HUS1B: variants seen among roughly 807,000 people sequenced by gnomAD.
The protein encoded by HUS1B is checkpoint protein HUS1B.
For missense variants in HUS1B, 475 were observed against 390.4 expected (o/e 1.22, Z -1.83); for synonymous variants, 207 against 176.2 (o/e 1.17, Z -1.38).
Position 656,743 on chromosome 6 carries a change from T to G in HUS1B, c.202A>C (p.Met68Leu). The change falls in exon 1 of 1, where the codon ATG (methionine) becomes CTG (leucine). Residue 68 changes from methionine (M) to leucine (L), a missense_variant. Met to Leu is a conservative substitution (Grantham distance 15, BLOSUM62 2). Transcript: ENST00000380907. ...VRQGAFQQFR[M>L]EGVSEDLDEI... is the part of the protein sequence containing the mutation. ...TCGAGATCTTCCGAGACACCTTCCA[T>G]GCGAAACTGCTGGAAGGCCCCCTGC... The G allele has an allele frequency of 6.3e-7, 1 of 1,589,766 alleles. No homozygotes were observed. The highest frequency in any genetic ancestry group is 1.1e-5 in the South Asian group (1 of 88,656).
In HUS1B at chr6:656,279, G is replaced by A; in HGVS notation, c.666C>T (p.Asp222=). 6.2e-7 allele frequency: 1 copy of A among 1,614,184 alleles called. No individual in the cohort carries two copies. The highest frequency in any genetic ancestry group is 1.3e-5 in the African/African-American group (1 of 75,046). ...CCCGCACTTGCACCATGCTCTCCAG[G>A]TCTCTGTTTTCAGGCACACCCACAG... ...QSAVGVPENR[D]LESMVQVRVD... is the part of the protein sequence containing the mutation. The change falls in exon 1 of 1, where the codon GAC becomes GAT. Residue 222 remains aspartate (D), a synonymous_variant. Transcript: ENST00000380907.
Position 656,167 on chromosome 6 carries a change from G to A in HUS1B, c.778C>T (p.Leu260Phe). ...ALCNIWDNTL[L>F]QLVLVQEDVS... ...TCTTCTTGAACCAAAACAAGCTGAA[G>A]AAGAGTATTGTCCCAAATATTGCAC... Residue 260 changes from leucine to phenylalanine, a missense_variant, in exon 1 of 1, where the codon CTT becomes TTT. Coordinates refer to ENST00000380907, the MANE Select transcript of HUS1B (RefSeq NM_148959.4). 3 of 1,614,150 alleles carry A rather than the reference G, an allele frequency of 1.9e-6. No homozygotes were observed. The highest frequency in any genetic ancestry group is 2.5e-6 in the Non-Finnish European group (3 of 1,180,006).
chr6:656,658 C>G lies in HUS1B; in HGVS notation c.287G>C (p.Gly96Ala), dbSNP rs759519295. 3 of 1,607,238 alleles carry G rather than the reference C, an allele frequency of 1.9e-6. No individual in the cohort carries two copies. Among genetic ancestry groups the G allele is most frequent in the Non-Finnish European group, 2.5e-6 (3 of 1,177,104 alleles). ...CAGCTGCAGCTTCAGGGAGGACGCG[C>G]CCGCTGCGCTTCTCGCCGCCCGGGA... is the stretch of plus-strand genomic sequence containing the variant. ...HLSRAARSAAGASSLKLQLTH... is the reference protein window; with the variant it reads ...HLSRAARSAAAASSLKLQLTH... Residue 96 changes from glycine (G) to alanine (A), a missense_variant, in exon 1 of 1, where the codon GGC (glycine) becomes GCC (alanine). By Grantham distance (60) the Gly-to-Ala change is moderately conservative. Transcript: ENST00000380907.
In HUS1B at chr6:656,639, C is replaced by T. The variant is rs780737081; in HGVS notation, c.306G>A (p.Leu102=). 15 of 1,606,694 alleles carry T rather than the reference C, an allele frequency of 9.3e-6. No homozygotes were observed. Among genetic ancestry groups the T allele is most frequent in the African/African-American group, 1.3e-5 (1 of 74,764 alleles). ...RSAAGASSLK[L]QLTHKRRPSL... ...AGGGGCGGCGCTTGTGGGTCAGCTG[C>T]AGCTTCAGGGAGGACGCGCCCGCTG... Residue 102 remains leucine (L), a synonymous_variant, in exon 1 of 1, where the codon CTG becomes CTA. Coordinates refer to ENST00000380907, the MANE Select transcript of HUS1B (RefSeq NM_148959.4).
chr6:656,979 G>A lies in HUS1B; in HGVS notation c.-35C>T, dbSNP rs777558976. 5 of 1,482,084 alleles carry A rather than the reference G, an allele frequency of 3.4e-6. No individual in the cohort carries two copies. Among genetic ancestry groups the A allele is most frequent in the South Asian group, 1.4e-5 (1 of 73,346 alleles). The allele number at this position is 1,482,084 out of a possible 1,614,324, so 91.8% of individuals were successfully genotyped here. On this transcript the variant is annotated 5_prime_UTR_variant, in exon 1 of 1. Transcript: ENST00000380907. The stretch of plus-strand genomic sequence containing the variant: ...GGGAAGGCAGCTGGGGGCCTCTGAG[G>A]GGGATTCCGCGTGCCACAAGCCCTT...
Position 656,470 on chromosome 6 carries a change from GGCGGAT to G in HUS1B, c.469_474del (p.Ile157_Arg158del). 1 of 1,612,018 alleles carries G rather than the reference GGCGGAT, an allele frequency of 6.2e-7. No homozygotes were observed. Among genetic ancestry groups the G allele is most frequent in the South Asian group, 1.1e-5 (1 of 91,044 alleles). On this transcript the variant is annotated inframe_deletion, in exon 1 of 1. Coordinates refer to ENST00000380907, the MANE Select transcript of HUS1B (RefSeq NM_148959.4). Reference sequence around the variant, plus strand: ...CTCCTCAGCGTCCTCCAGCGCGGCAGGCGGATGCTCGCGTCGGAGGCGCGCAGGCTG... The same window carrying G: ...CTCCTCAGCGTCCTCCAGCGCGGCAGGCTCGCGTCGGAGGCGCGCAGGCTG...
In HUS1B at chr6:656,954, G is replaced by A; in HGVS notation, c.-10C>T. On this transcript the variant is annotated 5_prime_UTR_variant, in exon 1 of 1. Coordinates refer to ENST00000380907, the MANE Select transcript of HUS1B (RefSeq NM_148959.4). ...TGGCGCGAAACTTCATGATGCCACA[G>A]GGAAGGCAGCTGGGGGCCTCTGAGG... 1 of 1,510,986 alleles carries A rather than the reference G, an allele frequency of 6.6e-7. No individual in the cohort carries two copies. The highest frequency in any genetic ancestry group is 8.9e-7 in the Non-Finnish European group (1 of 1,124,700). 93.6% of individuals were successfully genotyped at this position (1,510,986 alleles called of 1,614,324 possible).
In HUS1B at chr6:656,900, C is replaced by A; in HGVS notation, c.45G>T (p.Leu15=). Residue 15 remains leucine, a synonymous_variant, in exon 1 of 1, where the codon CTG becomes CTT. Coordinates refer to ENST00000380907, the MANE Select transcript of HUS1B (RefSeq NM_148959.4). ...CGACGGTGCCGCTGACGTGAATGAA[C>A]AGCTCTAGACAGCCTTTGCCGGTGA... The part of the protein sequence containing the change: ...AKITGKGCLE[L]FIHVSGTVAR... 1 of 1,558,656 alleles carries A rather than the reference C, an allele frequency of 6.4e-7. No individual in the cohort carries two copies. The highest frequency in any genetic ancestry group is 1.9e-5 in the Admixed American group (1 of 53,428).
At position 656,627 on chromosome 6, in the gene HUS1B, G is replaced by C. The variant is rs1763115345; in HGVS notation, c.318C>G (p.His106Gln). 6.2e-7 allele frequency: 1 copy of C among 1,605,246 alleles called. No individual in the cohort carries two copies. The highest frequency in any genetic ancestry group is 1.3e-5 in the African/African-American group (1 of 74,838). The change falls in exon 1 of 1, where the codon CAC (histidine) becomes CAG (glutamine). Residue 106 changes from histidine to glutamine, a missense_variant. His to Gln is a conservative substitution (Grantham distance 24, BLOSUM62 0). Coordinates refer to ENST00000380907, the MANE Select transcript of HUS1B (RefSeq NM_148959.4). ...CCACCGTGAGGGAGGGGCGGCGCTT[G>C]TGGGTCAGCTGCAGCTTCAGGGAGG... is the stretch of plus-strand genomic sequence containing the variant. ...GASSLKLQLTHKRRPSLTVAV... is the reference protein window; with the variant it reads ...GASSLKLQLTQKRRPSLTVAV...
chr6:656,473 G>T lies in HUS1B; in HGVS notation c.472C>A (p.Arg158Ser), dbSNP rs138339347. The stretch of plus-strand genomic sequence containing the variant: ...CTCAGCGTCCTCCAGCGCGGCAGGC[G>T]GATGCTCGCGTCGGAGGCGCGCAGG... ...PSLRASDASIRLPRWRTLRSI... is the reference protein window; with the variant it reads ...PSLRASDASISLPRWRTLRSI... The change falls in exon 1 of 1, where the codon CGC becomes AGC. Residue 158 changes from arginine (R) to serine (S), a missense_variant. Arg to Ser is a moderately radical substitution (Grantham distance 110, BLOSUM62 -1). Transcript: ENST00000380907. 6.2e-7 allele frequency: 1 copy of T among 1,611,418 alleles called. No homozygotes were observed. Among genetic ancestry groups the T allele is most frequent in the South Asian group, 1.1e-5 (1 of 91,012 alleles).
In HUS1B at chr6:656,680, G is replaced by A. The variant is rs756796060; in HGVS notation, c.265C>T (p.Arg89Trp). Residue 89 changes from arginine (R) to tryptophan (W), a missense_variant, in exon 1 of 1, where the codon CGG (arginine) becomes TGG (tryptophan). Transcript: ENST00000380907. Reference protein sequence around the residue: ...HLELTAEHLSRAARSAAGASS... With the variant: ...HLELTAEHLSWAARSAAGASS... ...GCGCCCGCTGCGCTTCTCGCCGCCC[G>A]GGACAGGTGCTCCGCCGTCAGCTCC... 9 of 1,606,670 alleles carry A rather than the reference G, an allele frequency of 5.6e-6. No homozygotes were observed. Among genetic ancestry groups the A allele is most frequent in the Non-Finnish European group, 7.6e-6 (9 of 1,176,734 alleles).
rs771421496 is a variant in HUS1B at position 656,505 on chromosome 6, G to T, written c.440C>A (p.Pro147Gln). The change falls in exon 1 of 1, where the codon CCG becomes CAG. Residue 147 changes from proline (P) to glutamine (Q), a missense_variant. Pro to Gln is a moderately conservative substitution (Grantham distance 76). Coordinates refer to ENST00000380907, the MANE Select transcript of HUS1B (RefSeq NM_148959.4). ...CGCGTCGGAGGCGCGCAGGCTGGGCGGCAGGCAGTCCCGCCACACTCTCCT... is the reference window on the plus strand; with the variant it reads ...CGCGTCGGAGGCGCGCAGGCTGGGCTGCAGGCAGTCCCGCCACACTCTCCT... The part of the protein sequence containing the change: ...LPRRVWRDCL[P>Q]PSLRASDASI... 1.9e-6 allele frequency: 3 copies of T among 1,605,774 alleles called. No homozygotes were observed. The African/African-American group carries it at 4.0e-5, about 21-fold the overall frequency.
rs370937142 is a variant in HUS1B at position 656,560 on chromosome 6, C to G, written c.385G>C (p.Val129Leu). 1 of 1,594,594 alleles carries G rather than the reference C, an allele frequency of 6.3e-7. No homozygotes were observed. The change falls in exon 1 of 1, where the codon GTG becomes CTG. Residue 129 changes from valine to leucine, a missense_variant. By Grantham distance (32) the Val-to-Leu change is conservative (BLOSUM62 1). Coordinates refer to ENST00000380907, the MANE Select transcript of HUS1B (RefSeq NM_148959.4). ...VSSLGRARSV[V>L]HDLPVRVLPR... ...AGCACCCGCACGGGCAGATCGTGCA[C>G]CACGCTGCGAGCGCGGCCCAGGGAC...
rs1561981183 is a variant in HUS1B at position 656,959 on chromosome 6, G to C, written c.-15C>G. 4.0e-6 allele frequency: 6 copies of C among 1,504,238 alleles called. No individual in the cohort carries two copies. The highest frequency in any genetic ancestry group is 5.4e-6 in the Non-Finnish European group (6 of 1,121,014). The allele number at this position is 1,504,238 out of a possible 1,614,324, so 93.2% of individuals were successfully genotyped here. ...CGAAACTTCATGATGCCACAGGGAA[G>C]GCAGCTGGGGGCCTCTGAGGGGGAT... On this transcript the variant is annotated 5_prime_UTR_variant, in exon 1 of 1. Coordinates refer to ENST00000380907, the MANE Select transcript of HUS1B (RefSeq NM_148959.4).
At chr6:656,519 CCA>C in the HUS1B span, 15 of 1,605,546 alleles carry the variant, frequency 9.3e-6, no homozygotes, top group Non-Finnish European at 1.3e-5. Flanking sequence ...GGCAGTCCCG[CCA>C]CACTCTCCTG....
rs1399901167 is a variant in HUS1B, at chr6:656,768, C to A, written c.177G>T (p.Arg59=). 1.3e-6 allele frequency: 2 copies of A among 1,592,892 alleles called. No homozygotes were observed. The highest frequency in any genetic ancestry group is 1.1e-5 in the South Asian group (1 of 89,024). ...LHEARLWCEV[R]QGAFQQFRME... is the part of the protein sequence containing the mutation. ...TGCGAAACTGCTGGAAGGCCCCCTGCCGCACCTCGCACCACAGCCTGGCCT... is the reference window on the plus strand; with the variant it reads ...TGCGAAACTGCTGGAAGGCCCCCTGACGCACCTCGCACCACAGCCTGGCCT... The change falls in exon 1 of 1, where the codon CGG becomes CGT. Residue 59 remains arginine, a synonymous_variant. Coordinates refer to ENST00000380907, the MANE Select transcript of HUS1B (RefSeq NM_148959.4).
chr6:656,607 G>C lies in HUS1B; in HGVS notation c.338C>G (p.Thr113Arg), dbSNP rs901552629. 1.3e-6 allele frequency: 2 copies of C among 1,597,838 alleles called. No individual in the cohort carries two copies. Among genetic ancestry groups the C allele is most frequent in the African/African-American group, 2.7e-5 (2 of 74,556 alleles). The change falls in exon 1 of 1, where the codon ACG becomes AGG. Residue 113 changes from threonine (T) to arginine (R), a missense_variant. Thr to Arg is a moderately conservative substitution (Grantham distance 71). Coordinates refer to ENST00000380907, the MANE Select transcript of HUS1B (RefSeq NM_148959.4). ...GGACGAGACCAGCTCCACCGCCACC[G>C]TGAGGGAGGGGCGGCGCTTGTGGGT... ...QLTHKRRPSL[T>R]VAVELVSSLG...
chr6:656,690 C>T lies in HUS1B; in HGVS notation c.255G>A (p.Glu85=), dbSNP rs1461966261. 6.2e-7 allele frequency: 1 copy of T among 1,606,254 alleles called. No homozygotes were observed. Among genetic ancestry groups the T allele is most frequent in the Non-Finnish European group, 8.5e-7 (1 of 1,176,408 alleles). ...LDEIHLELTA[E]HLSRAARSAA... is the part of the protein sequence containing the mutation. The stretch of plus-strand genomic sequence containing the variant: ...CGCTTCTCGCCGCCCGGGACAGGTG[C>T]TCCGCCGTCAGCTCCAGGTGGATCT... Residue 85 remains glutamate (E), a synonymous_variant, in exon 1 of 1, where the codon GAG becomes GAA. Transcript: ENST00000380907.
In HUS1B at chr6:656,227, A is replaced by G; in HGVS notation, c.718T>C (p.Leu240=). The G allele has an allele frequency of 6.2e-7, 1 of 1,614,226 alleles. No homozygotes were observed. Residue 240 remains leucine, a synonymous_variant, in exon 1 of 1, where the codon TTG becomes CTG. Transcript: ENST00000380907. The part of the protein sequence containing the change: ...RVDNRKLLQF[L]EGQQIHPTTA... ...GTAGGATGTATTTGCTGTCCCTCCA[A>G]AAACTGCAGAAGCTTCCGATTGTCC...
Sources: allele counts gnomAD v4.1 joint callset, GRCh38; gene constraint gnomAD v4.1.1; transcripts MANE v1.5; gene names NCBI Gene and HGNC (gene_info 2026-07-23, HGNC 2026-07-21).